MAP4K4: variants seen among roughly 807,000 people sequenced by gnomAD.
MAP4K4 encodes the protein mitogen-activated protein kinase kinase kinase kinase 4, also known as HPK/GCK-like kinase HGK.
MAP4K4 carries 38 observed loss-of-function variants against 189.6 expected under a neutral mutation model. That is an observed-to-expected ratio of 0.20 (90% CI 0.15 to 0.26). MAP4K4 has a LOEUF of 0.26. MAP4K4 is among the 10% of genes least tolerant of loss of function. The pLI, the probability that MAP4K4 is intolerant of heterozygous loss-of-function variation, is 1.00. For synonymous variants in MAP4K4, 610 were observed against 624.3 expected, an observed-to-expected ratio of 0.98 and a Z score of 0.34; for missense variants, 1,054 against 1,726.9, an observed-to-expected ratio of 0.61 and a Z score of 6.91.
rs1379960795 is a variant in MAP4K4, at chr2:101,867,310, G to A, written c.2454+1G>A. 1 of 1,600,034 alleles carries A rather than the reference G, an allele frequency of 6.2e-7. No homozygotes were observed. The highest frequency in any genetic ancestry group is 8.5e-7 in the Non-Finnish European group (1 of 1,171,692). On this transcript the variant is annotated splice_donor_variant, in intron 20 of 32. Transcript: ENST00000324219. LOFTEE classifies it high-confidence loss of function. ...AGTTTTCAGACCCCTCAAGCCTGCT[G>A]TAAGGATTGTGCAGGATCAGTTTTA...
At chr2:101,867,356 G>T in intron 20 of MAP4K4, 47 bp downstream of exon 20, 1 of 1,394,192 alleles carries the variant, frequency 7.2e-7, no homozygotes, top group East Asian at 2.4e-5. Flanking sequence ...ACTTGAATGA[G>T]ATCTTTCTAT....
intron 12 of MAP4K4, among the ~76,000 whole-genome samples, chr2:101,852,693 A>G (rs1367121670): frequency 2.0e-5 from 3 of 152,190 alleles, no homozygotes; most frequent in Non-Finnish European, 4.4e-5. Context: ...TTATGTTGAC[A>G]TTATATGTAC....
chr2:101,834,550 T>C lies in MAP4K4; in HGVS notation c.694+87T>C, dbSNP rs557652799. 22 of 1,002,174 alleles carry C rather than the reference T, an allele frequency of 2.2e-5. No homozygotes were observed. In the Admixed American group the frequency reaches 2.7e-4, roughly 12 times the overall value. The allele number at this position is 1,002,174 out of a possible 1,614,324, so 62.1% of individuals were successfully genotyped here. Reference sequence around the variant, plus strand: ...CTTCAAAAAGAACAGCTCAGCTCCATGGATAAAGGCATTTCTGGTGGACTG... The same window carrying C: ...CTTCAAAAAGAACAGCTCAGCTCCACGGATAAAGGCATTTCTGGTGGACTG... On this transcript the variant is annotated intron_variant, in intron 8 of 32. Coordinates refer to ENST00000324219, the Ensembl canonical transcript of MAP4K4.
At chr2:101,733,252 G>A (rs2059221241) in intron 2 of MAP4K4, among the ~76,000 whole-genome samples, 1 of 152,208 alleles carries the variant, frequency 6.6e-6, no homozygotes, top group African/African-American at 2.4e-5. Context: ...ATGGCGATGG[G>A]GGGATGCAGG....
At chr2:101,699,756 C>T (rs2037180644) in intron 2 of MAP4K4, among the ~76,000 whole-genome samples, 2 of 152,168 alleles carry the variant, frequency 1.3e-5, no homozygotes, top group Admixed American at 1.3e-4. Flanking sequence ...CTGTACTGGA[C>T]TGTGGTCCGA....
rs2092761312 is a variant in MAP4K4, at chr2:101,790,861, G to T, written c.180+85G>T. On this transcript the variant is annotated intron_variant, in intron 3 of 32. Coordinates refer to ENST00000324219, the Ensembl canonical transcript of MAP4K4. ...ACAACACAGAGTATTACTCTGTTTG[G>T]AAAATCTGATTACTTGAACAAATTG... 3.4e-6 allele frequency: 4 copies of T among 1,176,456 alleles called. No individual in the cohort carries two copies. The Admixed American group carries it at 8.0e-5, about 24-fold the overall frequency. The allele number at this position is 1,176,456 out of a possible 1,614,324, so 72.9% of individuals were successfully genotyped here.
At chr2:101,891,321 T>A (rs1310690971) in exon 33 of MAP4K4, 1 of 1,378,240 alleles carries the variant, frequency 7.3e-7, no homozygotes, top group Non-Finnish European at 1.0e-6. Flanking sequence ...TCCTTGTAAC[T>A]GGAGCTCGGA....
intron 2 of MAP4K4, among the ~76,000 whole-genome samples, chr2:101,772,495 T>C (rs1187624651): frequency 1.3e-5 from 2 of 152,240 alleles, no homozygotes; most frequent in Non-Finnish European, 2.9e-5. Flanking sequence ...TTTTAAATTG[T>C]GGACTATTAT....
intron 21 of MAP4K4, among the ~76,000 whole-genome samples, chr2:101,869,389 A>G (rs1176852021): frequency 6.6e-6 from 1 of 151,146 alleles, no homozygotes; most frequent in East Asian, 1.9e-4. Context: ...TGAACTGTAT[A>G]TGACATCTTT....
intron 2 of MAP4K4, among the ~76,000 whole-genome samples, chr2:101,713,485 A>G (rs1432760703): frequency 1.3e-5 from 2 of 151,864 alleles, no homozygotes; most frequent in Admixed American, 6.6e-5. Context: ...AATCCCAGCT[A>G]CTTGGGAGGC....
exon 17 of MAP4K4, chr2:101,863,903 A>C: frequency 7.3e-7 from 1 of 1,367,436 alleles, no homozygotes; most frequent in Non-Finnish European, 9.8e-7. Context: ...CCTTCTCCCA[A>C]ATTTGCACAC....
chr2:101,714,694 TC>T (rs2047471925), intron 2 of MAP4K4, among the ~76,000 whole-genome samples: 1 of 152,182 alleles, frequency 6.6e-6, no homozygotes, highest in African/African-American at 2.4e-5. Context: ...ATTTGAACAT[TC>T]TGATAATTTC....
intron 18 of MAP4K4, 91 bp downstream of exon 18, chr2:101,865,127 G>A: frequency 1.3e-6 from 1 of 749,258 alleles, no homozygotes; most frequent in South Asian, 1.9e-5. Context: ...CTTAAACACA[G>A]ACGTTCTGGG....
At chr2:101,761,356 T>A (rs2076301095) in intron 2 of MAP4K4, among the ~76,000 whole-genome samples, 1 of 151,650 alleles carries the variant, frequency 6.6e-6, no homozygotes. Flanking sequence ...GTTTAGCTAA[T>A]GTTGCTTGAT....
chr2:101,881,892 C>T (rs73945509), intron 27 of MAP4K4, among the ~76,000 whole-genome samples: 2,010 of 152,244 alleles, frequency 0.013, 44 homozygotes, highest in African/African-American at 0.045. Context: ...TAGATGACTA[C>T]ACCACAATGT....
At chr2:101,811,332 A>G (rs1165995881) in intron 3 of MAP4K4, among the ~76,000 whole-genome samples, 4 of 127,650 alleles carry the variant, frequency 3.1e-5, no homozygotes, top group African/African-American at 1.2e-4. Context: ...GATTTGCGCC[A>G]CTGCATTCCA....
intron 3 of MAP4K4, chr2:101,797,401 C>G (rs1412990952): frequency 2.3e-6 from 3 of 1,290,370 alleles, no homozygotes; most frequent in Non-Finnish European, 3.0e-6. Context: ...AGAAATGTAT[C>G]AGTTTTTGAC....
intron 12 of MAP4K4, 114 bp from the exon 13 acceptor site, chr2:101,855,863 C>T: frequency 1.0e-6 from 1 of 974,336 alleles, no homozygotes; most frequent in Non-Finnish European, 1.5e-6. Flanking sequence ...AGATATGGGG[C>T]CCATGAACCT....
intron 20 of MAP4K4, 121 bp downstream of exon 20, chr2:101,867,430 TTA>T: frequency 1.5e-6 from 1 of 685,760 alleles, no homozygotes; most frequent in Non-Finnish European, 2.5e-6. Context: ...ATTTGAGGAA[TTA>T]TAAGGAATGA....
Sources: allele counts gnomAD v4.1 joint callset (sites outside exome capture counted in the v4.1 genomes callset), GRCh38; gene constraint gnomAD v4.1.1; transcripts MANE v1.5; gene names NCBI Gene and HGNC (gene_info 2026-07-23, HGNC 2026-07-21).